MLLT10: variants seen among roughly 807,000 people sequenced by gnomAD.
MLLT10 encodes MLLT10 histone lysine methyltransferase DOT1L cofactor.
MLLT10 carries 30 observed loss-of-function variants against 129.1 expected under a neutral mutation model. The observed-to-expected ratio is 0.23, with a 90% CI of 0.17 to 0.32. The LOEUF is 0.32. Among genes scored for constraint, MLLT10 ranks in the 10% least tolerant of loss-of-function variants. MLLT10 has a pLI of 1.00. For missense variants in MLLT10, 1,119 were observed against 1,268.3 expected (o/e 0.88, Z 1.79); for synonymous variants, 490 against 446.4 (o/e 1.10, Z -1.23).
intron 3 of MLLT10, among the ~76,000 whole-genome samples, chr10:21,580,464 C>A (rs1453084013): frequency 6.6e-6 from 1 of 150,760 alleles, no homozygotes; most frequent in African/African-American, 2.4e-5. Context: ...TCTTGGCTCA[C>A]TGCAACCTCT....
intron 8 of MLLT10, among the ~76,000 whole-genome samples, chr10:21,648,014 A>G (rs1275206934): frequency 6.6e-6 from 1 of 151,682 alleles, no homozygotes; most frequent in Non-Finnish European, 1.5e-5. Context: ...ATTTTGTTTT[A>G]TTTTGTCTAA....
At chr10:21,727,572 AC>A (rs1348854013) in intron 15 of MLLT10, among the ~76,000 whole-genome samples, 1 of 152,226 alleles carries the variant, frequency 6.6e-6, no homozygotes, top group Non-Finnish European at 1.5e-5. Flanking sequence ...AGGGGAGGGT[AC>A]AGCAAATGCA....
chr10:21,687,643 C>G (rs945664029), intron 13 of MLLT10, among the ~76,000 whole-genome samples: 1 of 152,070 alleles, frequency 6.6e-6, no homozygotes, highest in African/African-American at 2.4e-5. Context: ...CTGTGAATCA[C>G]TTGGTAAGGG....
chr10:21,628,411 A>G (rs2046664395), intron 8 of MLLT10, among the ~76,000 whole-genome samples: 1 of 151,744 alleles, frequency 6.6e-6, no homozygotes, highest in Admixed American at 6.6e-5. Flanking sequence ...AGGCCAGACT[A>G]AAGCTGAAGG....
At chr10:21,687,177 A>G (rs1175669617) in intron 13 of MLLT10, among the ~76,000 whole-genome samples, 5 of 152,176 alleles carry the variant, frequency 3.3e-5, no homozygotes, top group African/African-American at 7.2e-5. Context: ...CCAGTTATTC[A>G]TATAGGTGCT....
At chr10:21,738,402 T>C in intron 21 of MLLT10, 3 of 1,288,430 alleles carry the variant, frequency 2.3e-6, no homozygotes, top group Non-Finnish European at 2.0e-6. Flanking sequence ...ACTCTAATAA[T>C]AGCATGTGTA....
chr10:21,579,593 G>A (rs942047900), intron 3 of MLLT10, among the ~76,000 whole-genome samples: 2 of 142,436 alleles, frequency 1.4e-5, no homozygotes, highest in South Asian at 2.2e-4. Flanking sequence ...GTGGAGTTTC[G>A]CTCTTGTTGC....
At chr10:21,676,635 C>T (rs1226841217) in intron 11 of MLLT10, among the ~76,000 whole-genome samples, 11 of 134,296 alleles carry the variant, frequency 8.2e-5, no homozygotes, top group African/African-American at 2.0e-4. Flanking sequence ...GCAGGAGAAT[C>T]GCTTAAACCC....
At position 21,727,907 on chromosome 10, in the gene MLLT10, C is replaced by G; in HGVS notation, c.2042C>G (p.Pro681Arg). ...AACCTAGTTGGCAGAGGAAGCTCAC[C>G]CCGAGGAAGTCTCTCGCCACGGTAA... The part of the protein sequence containing the change: ...SRNLVGRGSS[P>R]RGSLSPRSPV... Residue 681 changes from proline (P) to arginine (R), a missense_variant, in exon 16 of 23, where the codon CCC becomes CGC. Coordinates refer to ENST00000307729, the MANE Select transcript of MLLT10 (RefSeq NM_001195626.3). 1 of 1,613,906 alleles carries G rather than the reference C, an allele frequency of 6.2e-7. No individual in the cohort carries two copies. Among genetic ancestry groups the G allele is most frequent in the Non-Finnish European group, 8.5e-7 (1 of 1,179,936 alleles).
At chr10:21,697,326 C>A (rs939374360) in intron 13 of MLLT10, among the ~76,000 whole-genome samples, 2 of 151,886 alleles carry the variant, frequency 1.3e-5, no homozygotes, top group Non-Finnish European at 2.9e-5. Context: ...ATTAGCCAGG[C>A]ATGGTGGAAG....
intron 12 of MLLT10, 120 bp downstream of exon 12, chr10:21,681,496 A>T (rs1270112920): frequency 1.5e-6 from 1 of 649,602 alleles, no homozygotes; most frequent in African/African-American, 1.9e-5. Flanking sequence ...GTTTTTCTTA[A>T]TTGAACAGAT....
At chr10:21,625,179 C>G in intron 8 of MLLT10, 1 of 1,460,218 alleles carries the variant, frequency 6.8e-7, no homozygotes. Flanking sequence ...TCTTCATATG[C>G]AGTGCTTCTG....
chr10:21,575,253 G>A (rs559242923), intron 3 of MLLT10, among the ~76,000 whole-genome samples: 1 of 151,974 alleles, frequency 6.6e-6, no homozygotes, highest in Non-Finnish European at 1.5e-5. Context: ...GTGCAGTGGT[G>A]CGATCTTGGC....
At position 21,687,665 on chromosome 10, in the gene MLLT10, A is replaced by T. The variant is rs557698682; in HGVS notation, c.1699+5408A>T. On this transcript the variant is annotated intron_variant, in intron 13 of 22. Coordinates refer to ENST00000307729, the MANE Select transcript of MLLT10 (RefSeq NM_001195626.3). ...TCACTTGGTAAGGGATAATTAGGTT[A>T]AAAAAAGGGGAAGGGAACTAGGCCT... Among the ~76,000 whole-genome samples, 60 of 152,244 alleles carry T rather than the reference A, an allele frequency of 3.9e-4. No homozygotes were observed. The East Asian group carries it at 4.6e-3, about 12-fold the overall frequency.
chr10:21,651,797 A>T lies in MLLT10; in HGVS notation c.795+29A>T, dbSNP rs745696539. ...AGTTTTAAGTATCATATTTTGTTTT[A>T]TGTAATAAGTAGTTATTGTGCTGAT... is the stretch of plus-strand genomic sequence containing the variant. On this transcript the variant is annotated intron_variant, in intron 9 of 22. Coordinates refer to ENST00000307729, the MANE Select transcript of MLLT10 (RefSeq NM_001195626.3). 2.0e-6 allele frequency: 3 copies of T among 1,470,622 alleles called. No homozygotes were observed. In the South Asian group the frequency reaches 3.5e-5, roughly 17 times the overall value. 91.1% of individuals were successfully genotyped at this position (1,470,622 alleles called of 1,614,324 possible). A position where few individuals can be genotyped will look rare whatever the true frequency, so the allele number is the denominator to read the frequency against.
chr10:21,673,987 T>C, intron 11 of MLLT10, 68 bp downstream of exon 11: 1 of 1,220,760 alleles, frequency 8.2e-7, no homozygotes, highest in Non-Finnish European at 1.1e-6. Context: ...TCCCAAAACG[T>C]TTTCAACTGT....
chr10:21,582,021 G>A (rs1408953196), intron 3 of MLLT10, among the ~76,000 whole-genome samples: 1 of 151,978 alleles, frequency 6.6e-6, no homozygotes, highest in Non-Finnish European at 1.5e-5. Context: ...TAATCTCATG[G>A]GACCACCACT....
At chr10:21,667,366 G>GCAA (rs774665777) in intron 9 of MLLT10, among the ~76,000 whole-genome samples, 1 of 149,040 alleles carries the variant, frequency 6.7e-6, no homozygotes, top group African/African-American at 2.5e-5. Context: ...AAACTGTGGG[G>GCAA]GTTTTTTTTT....
chr10:21,657,868 T>G (rs2049769499), intron 9 of MLLT10, among the ~76,000 whole-genome samples: 4 of 152,162 alleles, frequency 2.6e-5, no homozygotes, highest in Admixed American at 6.6e-5. Flanking sequence ...ATAAGTTAAT[T>G]TTTATGTGTA....
Sources: allele counts gnomAD v4.1 joint callset (sites outside exome capture counted in the v4.1 genomes callset), GRCh38; gene constraint gnomAD v4.1.1; transcripts MANE v1.5; gene names NCBI Gene and HGNC (gene_info 2026-07-23, HGNC 2026-07-21).